Variants in TOGARAM2 observed in about 807,000 individuals in gnomAD.
TOGARAM2 encodes TOG array regulator of axonemal microtubules 2.
In TOGARAM2, 85 loss-of-function variants were observed where a neutral mutation model predicts 93.3. The observed-to-expected ratio is 0.91, with a 90% CI of 0.76 to 1.09. The LOEUF is 1.09. Among genes scored for constraint, TOGARAM2 ranks in the 50% least tolerant of loss-of-function variants. The pLI is 0.00. For synonymous variants in TOGARAM2, 593 were observed against 552.8 expected (o/e 1.07, Z -1.02); for missense variants, 1,277 against 1,334.5 (o/e 0.96, Z 0.67).
intron 18 of TOGARAM2, among the ~76,000 whole-genome samples, chr2:29,043,590 C>T (rs1047377244): frequency 6.6e-6 from 1 of 152,208 alleles, no homozygotes; most frequent in Non-Finnish European, 1.5e-5. Flanking sequence ...ACATAGGCCA[C>T]CTGCCCTCAC....
intron 6 of TOGARAM2, among the ~76,000 whole-genome samples, chr2:29,009,214 G>A (rs543909945): frequency 2.6e-5 from 4 of 152,228 alleles, no homozygotes; most frequent in Non-Finnish European, 4.4e-5. Flanking sequence ...CTTGCGAGAT[G>A]GAGATGGAGG....
chr2:28,969,164 G>T (rs954713973), intron 1 of TOGARAM2, among the ~76,000 whole-genome samples: 1 of 152,224 alleles, frequency 6.6e-6, no homozygotes, highest in African/African-American at 2.4e-5. Flanking sequence ...GAGAGGTTTC[G>T]GGAGGATTCT....
intron 10 of TOGARAM2, among the ~76,000 whole-genome samples, 185 bp from the exon 11 acceptor site, chr2:29,021,973 C>T (rs1365068982): frequency 6.6e-6 from 1 of 152,138 alleles, no homozygotes; most frequent in Non-Finnish European, 1.5e-5. Flanking sequence ...TTCATGGCTC[C>T]TGGGGAGGGA....
At chr2:28,977,559 G>T (rs1672055940), upstream of TOGARAM2, among the ~76,000 whole-genome samples, 1 of 152,168 alleles carries the variant, frequency 6.6e-6, no homozygotes, top group Non-Finnish European at 1.5e-5. Context: ...GGTGAATGTT[G>T]CAGGGGCGGG....
chr2:29,047,384 A>C (rs1442491066), intron 19 of TOGARAM2: 1 of 152,208 alleles, frequency 6.6e-6, no homozygotes, highest in Non-Finnish European at 1.5e-5. Flanking sequence ...CACTTACTGT[A>C]ATTTTTTCTT....
At chr2:28,996,630 T>A (rs926874407) in intron 2 of TOGARAM2, among the ~76,000 whole-genome samples, 4 of 151,888 alleles carry the variant, frequency 2.6e-5, no homozygotes, top group Non-Finnish European at 4.4e-5. Context: ...GAGACCAGCC[T>A]GGGCAACATG....
rs1666141112 is a variant in TOGARAM2 at position 29,036,751 on chromosome 2, AGCCTGGGTGAGTGTCCCACGTGG to A, written c.2635_2635+22del. 1 of 1,612,220 alleles carries A rather than the reference AGCCTGGGTGAGTGTCCCACGTGG, an allele frequency of 6.2e-7. No individual in the cohort carries two copies. Among genetic ancestry groups the A allele is most frequent in the Non-Finnish European group, 8.5e-7 (1 of 1,179,208 alleles). On this transcript the variant is annotated splice_donor_variant and splice_donor_5th_base_variant and coding_sequence_variant and intron_variant, in exon 18 of 20. Coordinates refer to ENST00000379558, the MANE Select transcript of TOGARAM2 (RefSeq NM_199280.4). LOFTEE classifies it high-confidence loss of function. ...GGCTGTGCTGGATGCGATGGTTGAG[AGCCTGGGTGAGTGTCCCACGTGG>A]GCCTGTGTGGCTCTGGTCACCATGT... is the stretch of plus-strand genomic sequence containing the variant.
Position 29,026,864 on chromosome 2 carries a change from C to A in TOGARAM2, c.1865C>A (p.Pro622His). 1 of 1,592,270 alleles carries A rather than the reference C, an allele frequency of 6.3e-7. No homozygotes were observed. Among genetic ancestry groups the A allele is most frequent in the East Asian group, 2.3e-5 (1 of 43,818 alleles). The change falls in exon 14 of 20, where the codon CCC (proline) becomes CAC (histidine). Residue 622 changes from proline to histidine, a missense_variant. Pro to His is a moderately conservative substitution (Grantham distance 77, BLOSUM62 -2). Coordinates refer to ENST00000379558, the MANE Select transcript of TOGARAM2 (RefSeq NM_199280.4). ...TGATTTCCTTTCAGCCACCGGAACCCCTTGATCCGGAAATACGCGGCTGAG... is the reference window on the plus strand; with the variant it reads ...TGATTTCCTTTCAGCCACCGGAACCACTTGATCCGGAAATACGCGGCTGAG... ...LTSAGVYHRN[P>H]LIRKYAAEHL...
At chr2:29,011,087 C>T (rs973683367) in intron 6 of TOGARAM2, among the ~76,000 whole-genome samples, 1 of 152,188 alleles carries the variant, frequency 6.6e-6, no homozygotes, top group Non-Finnish European at 1.5e-5. Context: ...AGCTGGGAGG[C>T]AGTTTACCCT....
At chr2:29,039,995 G>T (rs1054175385) in intron 18 of TOGARAM2, among the ~76,000 whole-genome samples, 1 of 152,202 alleles carries the variant, frequency 6.6e-6, no homozygotes, top group Non-Finnish European at 1.5e-5. Flanking sequence ...GGGCAGATAA[G>T]CTTGGAATGC....
chr2:29,020,012 C>T (rs1304188339), intron 10 of TOGARAM2, among the ~76,000 whole-genome samples: 1 of 152,232 alleles, frequency 6.6e-6, no homozygotes, highest in Non-Finnish European at 1.5e-5. Context: ...TTCTTCTGGT[C>T]ACTGCGAGAG....
intron 1 of TOGARAM2, among the ~76,000 whole-genome samples, chr2:28,971,373 G>A (rs1671944726): frequency 6.6e-6 from 1 of 152,026 alleles, no homozygotes; most frequent in African/African-American, 2.4e-5. Flanking sequence ...CATCATGCCT[G>A]ACTAATTTTT....
At chr2:29,008,880 G>A (rs763491385) in intron 6 of TOGARAM2, among the ~76,000 whole-genome samples, 4 of 152,332 alleles carry the variant, frequency 2.6e-5, no homozygotes, top group Admixed American at 6.5e-5. Context: ...GATTAGTTCC[G>A]TAATAAATAT....
At chr2:29,035,762 A>G (rs1232213833) in intron 17 of TOGARAM2, 106 bp downstream of exon 17, 12 of 1,137,560 alleles carry the variant, frequency 1.1e-5, no homozygotes, top group Non-Finnish European at 9.2e-6. Context: ...ACCCCTTGCT[A>G]TGCAGTTGGC....
chr2:28,991,889 C>G (rs7604887), intron 1 of TOGARAM2, among the ~76,000 whole-genome samples: 1 of 152,150 alleles, frequency 6.6e-6, no homozygotes, highest in Admixed American at 6.5e-5. Flanking sequence ...TTACTTACCC[C>G]GGGTCGCCCC....
intron 7 of TOGARAM2, among the ~76,000 whole-genome samples, chr2:29,013,270 G>A (rs1237582615): frequency 6.6e-6 from 1 of 152,190 alleles, no homozygotes; most frequent in Non-Finnish European, 1.5e-5. Flanking sequence ...GAAGTGAACG[G>A]GTATTTTATC....
At chr2:28,999,497 C>T (rs1268928235) in intron 4 of TOGARAM2, 29 bp downstream of exon 4, 13 of 1,552,680 alleles carry the variant, frequency 8.4e-6, no homozygotes, top group Middle Eastern at 1.7e-4. Context: ...CCACCCCTCA[C>T]CCACCCACTT....
Position 29,043,347 on chromosome 2 carries a change from A to T in TOGARAM2, c.2636-1977A>T, listed in dbSNP as rs116160359. Reference sequence around the variant, plus strand: ...CAGGAGGACAGCAAGGGAAGCAGGGATGAGCTCTTAGATAAACTTGTGCCT... The same window carrying T: ...CAGGAGGACAGCAAGGGAAGCAGGGTTGAGCTCTTAGATAAACTTGTGCCT... On this transcript the variant is annotated intron_variant, in intron 18 of 19. Coordinates refer to ENST00000379558, the MANE Select transcript of TOGARAM2 (RefSeq NM_199280.4). Among the ~76,000 whole-genome samples, 199 of 152,322 alleles carry T rather than the reference A, an allele frequency of 1.3e-3. 1 individual carries two copies. The highest frequency in any genetic ancestry group is 4.7e-3 in the African/African-American group (194 of 41,582).
chr2:28,981,235 C>A (rs545893608), upstream of TOGARAM2: 1 of 152,326 alleles, frequency 6.6e-6, no homozygotes, highest in Non-Finnish European at 1.5e-5. Flanking sequence ...AATCTCTCGG[C>A]TCGGTCTCTC....
Sources: allele counts gnomAD v4.1 joint callset (sites outside exome capture counted in the v4.1 genomes callset), GRCh38; gene constraint gnomAD v4.1.1; transcripts MANE v1.5; gene names NCBI Gene and HGNC (gene_info 2026-07-23, HGNC 2026-07-21).